Variants in DLGAP2 observed in about 807,000 individuals in gnomAD.
DLGAP2 encodes the protein disks large-associated protein 2.
A neutral mutation model predicts 100.3 loss-of-function variants in DLGAP2; 26 were observed. The observed-to-expected ratio is 0.26, with a 90% confidence interval of 0.19 to 0.36. DLGAP2 has a LOEUF of 0.36. Among genes scored for constraint, DLGAP2 ranks in the 10% least tolerant of loss-of-function variants. The pLI is 1.00. For missense variants in DLGAP2, 1,858 were observed against 1,453.2 expected (o/e 1.28, Z -4.53); for synonymous variants, 886 against 630.1 (o/e 1.41, Z -6.08).
intron 3 of DLGAP2, chr8:1,296,219 G>A (rs955689392): frequency 6.6e-6 from 1 of 152,078 alleles, no homozygotes; most frequent in African/African-American, 2.4e-5. Flanking sequence ...TGACCGAGAG[G>A]TTAGAAATCA....
At chr8:1,267,573 T>A (rs1799483631) in intron 3 of DLGAP2, among the ~76,000 whole-genome samples, 1 of 51,468 alleles carries the variant, frequency 1.9e-5, no homozygotes, top group Non-Finnish European at 3.9e-5. Flanking sequence ...TAAAATAAAA[T>A]AAAATAAAAT....
intron 8 of DLGAP2, among the ~76,000 whole-genome samples, chr8:1,651,803 TA>T (rs1798171747): frequency 6.6e-6 from 1 of 152,056 alleles, no homozygotes; most frequent in South Asian, 2.1e-4. Context: ...TCATCAGAAG[TA>T]AATTTGAAAA....
rs1029963246 is a variant in DLGAP2, at chr8:1,433,475, C to T, written c.107-67891C>T. Among the ~76,000 whole-genome samples the T allele has an allele frequency of 2.0e-5, 3 of 152,308 alleles. No homozygotes were observed. In the East Asian group the frequency reaches 5.8e-4, roughly 29 times the overall value. The stretch of plus-strand genomic sequence containing the variant: ...TTGCAAAGGTGCTTGCTGCTGAGCC[C>T]GTGAGGCTGCTGTGGTGTGCAAGTG... On this transcript the variant is annotated intron_variant, in intron 3 of 14. Transcript: ENST00000637795.
chr8:1,298,274 A>C (rs1178380024), intron 3 of DLGAP2, among the ~76,000 whole-genome samples: 1 of 152,136 alleles, frequency 6.6e-6, no homozygotes, highest in South Asian at 2.1e-4. Context: ...AAGTCATATA[A>C]TTGAAGTTAT....
rs377181940 is a variant in DLGAP2, at chr8:977,276, ATTCC to A, written c.73+69314_73+69317del. On this transcript the variant is annotated intron_variant, in intron 2 of 14. Coordinates refer to ENST00000637795, the MANE Select transcript of DLGAP2 (RefSeq NM_001346810.2). ...CTAAAGGCAATGAGAAAATGAAATC[ATTCC>A]TTCTCTTGAAGTCTGTCTCCCTGAA... 3.1e-3 allele frequency among the ~76,000 whole-genome samples: 472 copies of A among 152,330 alleles called. 3 individuals are homozygous for A. Among genetic ancestry groups the A allele is most frequent in the African/African-American group, 0.011 (445 of 41,562 alleles).
At chr8:1,197,698 G>A (rs550748206) in intron 2 of DLGAP2, among the ~76,000 whole-genome samples, 2 of 65,736 alleles carry the variant, frequency 3.0e-5, no homozygotes, top group Non-Finnish European at 5.5e-5. Context: ...CCTGAGCCAC[G>A]TCAATGTGGA....
At chr8:1,596,488 A>G (rs1039794397) in intron 6 of DLGAP2, among the ~76,000 whole-genome samples, 1 of 152,212 alleles carries the variant, frequency 6.6e-6, no homozygotes, top group African/African-American at 2.4e-5. Context: ...TACTCCCACC[A>G]ACAGTGTAAA....
rs759172816 is a variant in DLGAP2, at chr8:1,227,153, G to GATATATATAT, written c.74-31686_74-31677dup. Among the ~76,000 whole-genome samples, 208 of 89,702 alleles carry GATATATATAT rather than the reference G, an allele frequency of 2.3e-3. 20 individuals are homozygous for GATATATATAT. In the East Asian group the frequency reaches 0.062, roughly 27 times the overall value. 58.8% of individuals were successfully genotyped at this position (89,702 alleles called of 152,430 possible). On this transcript the variant is annotated intron_variant, in intron 2 of 14. Coordinates refer to ENST00000637795, the MANE Select transcript of DLGAP2 (RefSeq NM_001346810.2). Reference sequence around the variant, plus strand: ...AAATGAATGGGTAAGGAAACTGTGAGATATATATATATATATATATAGTAT... The same window carrying GATATATATAT: ...AAATGAATGGGTAAGGAAACTGTGAGATATATATATATATATATATATATATATATAGTAT...
chr8:737,879 G>C, intron 1 of DLGAP2, 54 bp downstream of exon 1: 1 of 371,554 alleles, frequency 2.7e-6, no homozygotes, highest in Non-Finnish European at 4.8e-6. Context: ...GAGAGCCGTC[G>C]AGGCGGGGAG....
intron 2 of DLGAP2, among the ~76,000 whole-genome samples, chr8:1,077,819 G>C (rs1160009725): frequency 1.3e-5 from 2 of 152,202 alleles, no homozygotes; most frequent in Admixed American, 6.5e-5. Context: ...CTAGCTTCCT[G>C]TGTCCTTTTT....
chr8:805,756 A>G (rs1036397278), intron 1 of DLGAP2, among the ~76,000 whole-genome samples: 2 of 152,158 alleles, frequency 1.3e-5, no homozygotes, highest in African/African-American at 4.8e-5. Flanking sequence ...GAGCCCAAGC[A>G]GTCCGCCGGC....
chr8:1,391,509 G>A (rs148865814), intron 3 of DLGAP2, among the ~76,000 whole-genome samples: 2 of 152,238 alleles, frequency 1.3e-5, no homozygotes, highest in African/African-American at 4.8e-5. Context: ...TGGGGTTTTG[G>A]CCCCACGTAA....
At chr8:1,587,938 A>C (rs118163326) in intron 6 of DLGAP2, among the ~76,000 whole-genome samples, 1 of 152,324 alleles carries the variant, frequency 6.6e-6, no homozygotes, top group East Asian at 1.9e-4. Context: ...GCTCTTCACT[A>C]TACCAATGAG....
chr8:1,671,576 G>A (rs963235336), intron 10 of DLGAP2, among the ~76,000 whole-genome samples: 2 of 152,204 alleles, frequency 1.3e-5, no homozygotes, highest in Non-Finnish European at 2.9e-5. Context: ...TGTTCACAGT[G>A]CATTGCATGA....
chr8:1,058,550 G>A (rs752058717), intron 2 of DLGAP2, among the ~76,000 whole-genome samples: 1 of 152,350 alleles, frequency 6.6e-6, no homozygotes, highest in Middle Eastern at 3.4e-3. Flanking sequence ...TTCAGCAATG[G>A]GGAGCACTGT....
At chr8:1,268,359 A>G (rs1799510423) in intron 3 of DLGAP2, among the ~76,000 whole-genome samples, 1 of 152,226 alleles carries the variant, frequency 6.6e-6, no homozygotes, top group African/African-American at 2.4e-5. Flanking sequence ...AAATATATGC[A>G]ATTGCATGTT....
At chr8:1,071,459 C>G (rs991884741) in intron 2 of DLGAP2, among the ~76,000 whole-genome samples, 3 of 152,166 alleles carry the variant, frequency 2.0e-5, no homozygotes, top group Non-Finnish European at 4.4e-5. Flanking sequence ...GGGCAGCTGT[C>G]CTCAGCTACC....
At chr8:1,524,321 C>T (rs1005776944) in intron 4 of DLGAP2, among the ~76,000 whole-genome samples, 17 of 152,102 alleles carry the variant, frequency 1.1e-4, no homozygotes, top group East Asian at 1.9e-4. Context: ...AGACCCTCAC[C>T]GGTGCTGACT....
chr8:1,578,887 C>T (rs546400697), intron 6 of DLGAP2, among the ~76,000 whole-genome samples: 8 of 152,196 alleles, frequency 5.3e-5, no homozygotes, highest in African/African-American at 1.7e-4. Flanking sequence ...CTGATGGCCC[C>T]GTCTGTGGGT....
Sources: allele counts gnomAD v4.1 joint callset (sites outside exome capture counted in the v4.1 genomes callset), GRCh38; gene constraint gnomAD v4.1.1; transcripts MANE v1.5; gene names NCBI Gene and HGNC (gene_info 2026-07-23, HGNC 2026-07-21).